Variants in SDK1 observed in about 807,000 individuals in gnomAD.
SDK1 encodes protein sidekick-1.
Under a neutral mutation model 245.5 loss-of-function variants are expected in SDK1, and 157 were observed. The observed-to-expected ratio is 0.64, with a 90% CI of 0.56 to 0.73. The LOEUF (loss-of-function observed/expected upper bound fraction) is 0.73. Ranked by LOEUF, SDK1 falls within the 30% of genes least tolerant of loss-of-function variation. The pLI, the probability that SDK1 is intolerant of heterozygous loss-of-function variation, is 0.00. For missense variants in SDK1, 3,583 were observed against 3,002.3 expected (o/e 1.19, Z -4.52); for synonymous variants, 1,647 against 1,278.5 (o/e 1.29, Z -6.15).
chr7:3,701,982 T>C (rs962035175), intron 4 of SDK1, among the ~76,000 whole-genome samples: 4 of 145,396 alleles, frequency 2.8e-5, no homozygotes, highest in Non-Finnish European at 6.1e-5. Flanking sequence ...TACACCCTAA[T>C]CTTTATATAA....
intron 1 of SDK1, among the ~76,000 whole-genome samples, chr7:3,544,607 T>G (rs1333232183): frequency 6.6e-6 from 1 of 152,238 alleles, no homozygotes; most frequent in African/African-American, 2.4e-5. Flanking sequence ...AAGTTCAACA[T>G]GAACGTCGAC....
At chr7:3,544,020 A>G (rs1305338159) in intron 1 of SDK1, among the ~76,000 whole-genome samples, 8 of 152,186 alleles carry the variant, frequency 5.3e-5, no homozygotes, top group Non-Finnish European at 1.2e-4. Context: ...TCCTTCCTCA[A>G]CCATAACCAT....
At chr7:4,020,668 C>T (rs377499274) in intron 17 of SDK1, among the ~76,000 whole-genome samples, 5 of 152,202 alleles carry the variant, frequency 3.3e-5, no homozygotes, top group African/African-American at 9.6e-5. Context: ...GTGAGCGTGA[C>T]GTTTCACACA....
chr7:4,107,745 T>C (rs1783037061), intron 22 of SDK1, among the ~76,000 whole-genome samples: 2 of 152,032 alleles, frequency 1.3e-5, no homozygotes, highest in African/African-American at 4.8e-5. Context: ...CCCCATCTCC[T>C]CCCCTGAGAC....
chr7:4,009,899 C>A (rs1250442752), intron 14 of SDK1, among the ~76,000 whole-genome samples: 2 of 152,176 alleles, frequency 1.3e-5, no homozygotes, highest in Non-Finnish European at 2.9e-5. Flanking sequence ...CGCAGACTTA[C>A]GAATCCCCGC....
chr7:3,342,580 C>T (rs1016507034), intron 1 of SDK1, among the ~76,000 whole-genome samples: 1 of 151,358 alleles, frequency 6.6e-6, no homozygotes, highest in Admixed American at 6.6e-5. Context: ...AAGAGCGAAA[C>T]TCCATCTCAA....
At chr7:3,714,848 T>C (rs1387291881) in intron 4 of SDK1, among the ~76,000 whole-genome samples, 1 of 152,212 alleles carries the variant, frequency 6.6e-6, no homozygotes, top group East Asian at 1.9e-4. Context: ...GGAGAGGTTC[T>C]AATTAAGTGC....
chr7:3,986,491 C>T (rs1783836716), intron 13 of SDK1, among the ~76,000 whole-genome samples: 1 of 152,202 alleles, frequency 6.6e-6, no homozygotes, highest in Non-Finnish European at 1.5e-5. Context: ...CGGGACTTTT[C>T]CTGCATATGT....
At chr7:3,626,562 G>A (rs750995010) in intron 2 of SDK1, among the ~76,000 whole-genome samples, 7 of 152,166 alleles carry the variant, frequency 4.6e-5, no homozygotes, top group Non-Finnish European at 7.3e-5. Flanking sequence ...CCTTTTAGTT[G>A]CCTTGCCTTT....
intron 4 of SDK1, chr7:3,643,297 C>T (rs10951266): frequency 0.25 from 36,760 of 148,446 alleles, 5,332 homozygotes; most frequent in Non-Finnish European, 0.33. Flanking sequence ...CCCTAAACCT[C>T]GTGATTCTCA....
intron 17 of SDK1, among the ~76,000 whole-genome samples, chr7:4,028,697 T>A (rs185792715): frequency 1.8e-3 from 280 of 152,366 alleles, no homozygotes; most frequent in African/African-American, 6.2e-3. Flanking sequence ...AAGGTCTCAT[T>A]GGCCACACTG....
intron 4 of SDK1, among the ~76,000 whole-genome samples, chr7:3,768,477 A>G (rs1201707629): frequency 2.6e-5 from 4 of 152,228 alleles, no homozygotes; most frequent in Non-Finnish European, 5.9e-5. Flanking sequence ...AGTCTTTATT[A>G]TTAAGCCCTC....
At chr7:4,107,125 T>TGGGGAGGGG (rs1236791501) in intron 22 of SDK1, among the ~76,000 whole-genome samples, 2 of 3,930 alleles carry the variant, frequency 5.1e-4, no homozygotes, top group East Asian at 0.011. Context: ...GTGGGGAGGG[T>TGGGGAGGGG]GGGGAGGGTG....
chr7:3,826,949 C>G (rs1779790299), intron 5 of SDK1, among the ~76,000 whole-genome samples: 1 of 152,108 alleles, frequency 6.6e-6, no homozygotes, highest in African/African-American at 2.4e-5. Flanking sequence ...ACAACAAAGA[C>G]CATCATTCTC....
chr7:3,687,473 A>G (rs1471379257), intron 4 of SDK1, among the ~76,000 whole-genome samples: 1 of 152,140 alleles, frequency 6.6e-6, no homozygotes, highest in East Asian at 1.9e-4. Context: ...AACATCCCAA[A>G]TGTCCCTCAG....
rs1788635954 is a variant in SDK1, at chr7:4,268,877, C to CA, written c.*3495dup. 1 of 512,282 alleles carries CA rather than the reference C, an allele frequency of 2.0e-6. No individual in the cohort carries two copies. Among genetic ancestry groups the CA allele is most frequent in the Admixed American group, 2.9e-5 (1 of 34,536 alleles). 31.7% of individuals were successfully genotyped at this position (512,282 alleles called of 1,614,324 possible). A position where few individuals can be genotyped will look rare whatever the true frequency, so the allele number is the denominator to read the frequency against. On this transcript the variant is annotated 3_prime_UTR_variant, in exon 45 of 45. Transcript: ENST00000404826. Reference sequence around the variant, plus strand: ...CCGTCAGGTCCCTAAACGTTCCCTACAACTTTTTCTGAAATTGTGCAGAAA... The same window carrying CA: ...CCGTCAGGTCCCTAAACGTTCCCTACAAACTTTTTCTGAAATTGTGCAGAAA...
intron 1 of SDK1, among the ~76,000 whole-genome samples, chr7:3,463,728 C>T (rs11982725): frequency 6.6e-6 from 1 of 152,194 alleles, no homozygotes; most frequent in Non-Finnish European, 1.5e-5. Flanking sequence ...TTCCCCCTCT[C>T]TGCTGGTCTC....
intron 1 of SDK1, among the ~76,000 whole-genome samples, chr7:3,560,620 C>A (rs1317957510): frequency 6.6e-6 from 1 of 152,194 alleles, no homozygotes; most frequent in Non-Finnish European, 1.5e-5. Context: ...AGCCCAGTCT[C>A]CACACAGCGT....
At chr7:4,105,830 C>T (rs1282275609) in intron 22 of SDK1, among the ~76,000 whole-genome samples, 2 of 152,146 alleles carry the variant, frequency 1.3e-5, no homozygotes, top group Non-Finnish European at 2.9e-5. Context: ...AAGGAGCAGA[C>T]ACACTCTGAG....
Sources: allele counts gnomAD v4.1 joint callset (sites outside exome capture counted in the v4.1 genomes callset), GRCh38; gene constraint gnomAD v4.1.1; transcripts MANE v1.5; gene names NCBI Gene and HGNC (gene_info 2026-07-23, HGNC 2026-07-21).